CACNG4: variants seen among roughly 807,000 people sequenced by gnomAD.
CACNG4 encodes voltage-dependent calcium channel gamma-4 subunit.
A neutral mutation model predicts 22.9 loss-of-function variants in CACNG4; 8 were observed. The ratio of observed to expected loss-of-function variants is 0.35; its 90% CI spans 0.21 to 0.63. CACNG4 has a LOEUF of 0.63. Ranked by LOEUF, CACNG4 falls within the 30% of genes least tolerant of loss-of-function variation. The pLI is 0.72. For missense variants in CACNG4, 357 were observed against 455.4 expected (o/e 0.78, Z 1.97); for synonymous variants, 188 against 191.9 (o/e 0.98, Z 0.17).
At chr17:67,015,710 C>A (rs191248339) in intron 1 of CACNG4, among the ~76,000 whole-genome samples, 3 of 152,184 alleles carry the variant, frequency 2.0e-5, no homozygotes, top group Non-Finnish European at 4.4e-5. Flanking sequence ...CGCTGCAGAG[C>A]AAATCGGGAA....
chr17:67,004,978 C>T (rs1484828353), intron 1 of CACNG4, among the ~76,000 whole-genome samples: 1 of 152,190 alleles, frequency 6.6e-6, no homozygotes, highest in Non-Finnish European at 1.5e-5. Flanking sequence ...CCCACTTCAG[C>T]CTCCCAAAGT....
Position 66,965,068 on chromosome 17 carries a change from C to T in CACNG4, c.157C>T (p.Pro53Ser). The T allele has an allele frequency of 6.3e-7, 1 of 1,590,084 alleles. No individual in the cohort carries two copies. The highest frequency in any genetic ancestry group is 8.6e-7 in the Non-Finnish European group (1 of 1,168,656). Residue 53 changes from proline (P) to serine (S), a missense_variant, in exon 1 of 4, where the codon CCG becomes TCG. Pro to Ser is a moderately conservative substitution (Grantham distance 74). Transcript: ENST00000262138. Reference sequence around the variant, plus strand: ...CAACCTGACCATGGACGACGGGCCCCCGCCCCGCCGCGCCCGCGGCGACCT... The same window carrying T: ...CAACCTGACCATGGACGACGGGCCCTCGCCCCGCCGCGCCCGCGGCGACCT... ...GTNLTMDDGP[P>S]PRRARGDLTH... is the part of the protein sequence containing the mutation.
rs758087416 is a variant in CACNG4 at position 67,030,521 on chromosome 17, G to A, written c.501G>A (p.Pro167=). Reference sequence around the variant, plus strand: ...ACATTTCCAGCAACACAGGTGACCCGAGTGACAAGCGGGACGAAGACAAAA... The same window carrying A: ...ACATTTCCAGCAACACAGGTGACCCAAGTGACAAGCGGGACGAAGACAAAA... ...IVYISSNTGD[P]SDKRDEDKKN... is the part of the protein sequence containing the mutation. The change falls in exon 4 of 4, where the codon CCG becomes CCA. Residue 167 remains proline, a synonymous_variant. Coordinates refer to ENST00000262138, the MANE Select transcript of CACNG4 (RefSeq NM_014405.4). This position sits in a 1 kb window ranked among gnomAD's most constrained non-coding sequence, Gnocchi z 6.4. The A allele has an allele frequency of 8.7e-6, 14 of 1,614,032 alleles. No homozygotes were observed. Among genetic ancestry groups the A allele is most frequent in the South Asian group, 3.3e-5 (3 of 91,070 alleles).
intron 1 of CACNG4, among the ~76,000 whole-genome samples, chr17:67,008,538 G>A (rs2035450372): frequency 6.6e-6 from 1 of 152,128 alleles, no homozygotes; most frequent in Non-Finnish European, 1.5e-5. Context: ...ACTGGCTGGT[G>A]GGCCTGACCG....
At chr17:67,024,742 C>A in intron 2 of CACNG4, 118 bp from the exon 3 acceptor site, 1 of 1,184,588 alleles carries the variant, frequency 8.4e-7, no homozygotes, top group Non-Finnish European at 1.1e-6. Flanking sequence ...TGATGGGAAT[C>A]TCAAATCCTG....
rs1033949600 is a variant in CACNG4, at chr17:67,031,885, G to A, written c.*881G>A. 4.4e-6 allele frequency: 2 copies of A among 456,568 alleles called. No individual in the cohort carries two copies. Among genetic ancestry groups the A allele is most frequent in the African/African-American group, 4.0e-5 (2 of 50,042 alleles). The allele number at this position is 456,568 out of a possible 1,614,324, so 28.3% of individuals were successfully genotyped here. A position where few individuals can be genotyped will look rare whatever the true frequency, so the allele number is the denominator to read the frequency against. ...CCTGAGCGTTGGGGGTCCCGGGGGA[G>A]AGGTGGACAGACACCTCCCTCCAAC... is the stretch of plus-strand genomic sequence containing the variant. On this transcript the variant is annotated 3_prime_UTR_variant, in exon 4 of 4. Coordinates refer to ENST00000262138, the MANE Select transcript of CACNG4 (RefSeq NM_014405.4). This position sits in a 1 kb window ranked among gnomAD's most constrained non-coding sequence, Gnocchi z 4.0.
At chr17:66,971,339 C>A (rs2035203469) in intron 1 of CACNG4, among the ~76,000 whole-genome samples, 1 of 151,130 alleles carries the variant, frequency 6.6e-6, no homozygotes, top group African/African-American at 2.5e-5. Flanking sequence ...AGTTCAGTGA[C>A]TTTTGACCCT....
intron 1 of CACNG4, among the ~76,000 whole-genome samples, chr17:66,998,355 G>A (rs2035387551): frequency 6.6e-6 from 1 of 152,106 alleles, no homozygotes; most frequent in Admixed American, 6.5e-5. Flanking sequence ...CTGAGTAGCT[G>A]AGACTACAGG....
intron 1 of CACNG4, among the ~76,000 whole-genome samples, chr17:66,995,916 C>A (rs1438323747): frequency 6.6e-6 from 1 of 152,032 alleles, no homozygotes; most frequent in Non-Finnish European, 1.5e-5. Flanking sequence ...ATCAGTTCAA[C>A]CTATTTGTGA....
intron 1 of CACNG4, among the ~76,000 whole-genome samples, chr17:66,983,544 G>T (rs2035288787): frequency 2.6e-5 from 4 of 152,200 alleles, no homozygotes; most frequent in Admixed American, 2.6e-4. Context: ...CTTCTTGGAG[G>T]AGGTGGGCAC....
intron 1 of CACNG4, among the ~76,000 whole-genome samples, chr17:67,012,504 T>C (rs111513571): frequency 2.0e-5 from 3 of 152,256 alleles, no homozygotes; most frequent in African/African-American, 7.2e-5. Flanking sequence ...TCACCTGGCT[T>C]GGTCCTGCTG....
At position 66,991,642 on chromosome 17, in the gene CACNG4, C is replaced by A. The variant is rs550517054; in HGVS notation, c.220+26511C>A. Among the ~76,000 whole-genome samples, 6 of 152,320 alleles carry A rather than the reference C, an allele frequency of 3.9e-5. No individual in the cohort carries two copies. In the South Asian group the frequency reaches 1.2e-3, roughly 32 times the overall value. On this transcript the variant is annotated intron_variant, in intron 1 of 3. Coordinates refer to ENST00000262138, the MANE Select transcript of CACNG4 (RefSeq NM_014405.4). ...GATGTGTGTCAGTTGTTTTGCCCCC[C>A]ATCCTGATGGGGAACCATCCAGACA...
At chr17:67,003,638 C>G (rs1297590773) in intron 1 of CACNG4, among the ~76,000 whole-genome samples, 16 of 152,222 alleles carry the variant, frequency 1.1e-4, no homozygotes, top group Admixed American at 1.0e-3. Context: ...TTAGCACATC[C>G]CTGGTCACGT....
At chr17:66,985,792 G>A (rs1400047458) in intron 1 of CACNG4, among the ~76,000 whole-genome samples, 1 of 152,218 alleles carries the variant, frequency 6.6e-6, no homozygotes, top group Non-Finnish European at 1.5e-5. Context: ...ATTCTGTGTG[G>A]AAATGCGTTA....
At chr17:67,017,485 C>T (rs2035505279) in intron 1 of CACNG4, among the ~76,000 whole-genome samples, 1 of 151,150 alleles carries the variant, frequency 6.6e-6, no homozygotes, top group Non-Finnish European at 1.5e-5. Context: ...GCCCCATTCC[C>T]AGTGGGCAAA....
rs1309269637 is a variant in CACNG4 at position 66,965,031 on chromosome 17, C to G, written c.120C>G (p.Ile40Met). Residue 40 changes from isoleucine (I) to methionine (M), a missense_variant, in exon 1 of 4, where the codon ATC becomes ATG. Physicochemically the swap from Ile to Met is conservative, Grantham distance 10. Transcript: ENST00000262138. ...TDYWLYSSAHICNGTNLTMDD... is the reference protein window; with the variant it reads ...TDYWLYSSAHMCNGTNLTMDD... ...ACTGGCTGTACTCCAGCGCGCACAT[C>G]TGCAACGGCACCAACCTGACCATGG... The G allele has an allele frequency of 6.2e-7, 1 of 1,611,228 alleles. No individual in the cohort carries two copies.
At chr17:67,000,455 C>T (rs2035401502) in intron 1 of CACNG4, among the ~76,000 whole-genome samples, 1 of 152,020 alleles carries the variant, frequency 6.6e-6, no homozygotes, top group Non-Finnish European at 1.5e-5. Flanking sequence ...CAAGCCTTAG[C>T]TCCAAAACTC....
intron 2 of CACNG4, 123 bp from the exon 3 acceptor site, chr17:67,024,737 G>C (rs2035552656): frequency 1.8e-6 from 2 of 1,127,538 alleles, no homozygotes; most frequent in Non-Finnish European, 2.4e-6. Context: ...GGTCCTGATG[G>C]GAATCTCAAA....
chr17:66,999,066 C>T (rs561334398), intron 1 of CACNG4, among the ~76,000 whole-genome samples: 1 of 152,176 alleles, frequency 6.6e-6, no homozygotes, highest in Non-Finnish European at 1.5e-5. Context: ...GTTCTAGTCC[C>T]AGCCCTGCAC....
Sources: allele counts gnomAD v4.1 joint callset (sites outside exome capture counted in the v4.1 genomes callset), GRCh38; gene constraint gnomAD v4.1.1; non-coding constraint Gnocchi (gnomAD v3.1); transcripts MANE v1.5; gene names NCBI Gene and HGNC (gene_info 2026-07-23, HGNC 2026-07-21).